The following MNAT1 variants were observed in gnomAD, a reference collection of about 807,000 sequenced individuals.
The protein encoded by MNAT1 is CDK-activating kinase assembly factor MAT1.
In MNAT1, 43 loss-of-function variants were observed where a neutral mutation model predicts 42.0. The ratio of observed to expected loss-of-function variants is 1.02; its 90% CI spans 0.80 to 1.32. The LOEUF (loss-of-function observed/expected upper bound fraction) is 1.32, where lower values mean the gene tolerates loss of function less well. Among genes scored for constraint, MNAT1 ranks in the 40% most tolerant of loss-of-function variants. The pLI is 0.00. For missense variants in MNAT1, 306 were observed against 350.4 expected, an observed-to-expected ratio of 0.87 and a Z score of 1.01; for synonymous variants, 118 against 120.0, an observed-to-expected ratio of 0.98 and a Z score of 0.11.
intron 7 of MNAT1, among the ~76,000 whole-genome samples, chr14:60,941,704 A>T (rs1234381198): frequency 2.8e-5 from 4 of 140,870 alleles, no homozygotes; most frequent in South Asian, 2.3e-4. Context: ...CCTGTTTCTT[A>T]AAAAAAAAAA....
chr14:60,855,920 A>G (rs763061519), intron 6 of MNAT1, among the ~76,000 whole-genome samples: 14 of 152,106 alleles, frequency 9.2e-5, no homozygotes, highest in East Asian at 3.9e-4. Flanking sequence ...TACTCCACCA[A>G]TTGCCCCATC....
chr14:60,920,740 C>A (rs4902020), intron 7 of MNAT1, among the ~76,000 whole-genome samples: 1 of 152,190 alleles, frequency 6.6e-6, no homozygotes, highest in African/African-American at 2.4e-5. Flanking sequence ...CACGACGCCT[C>A]GCCTTATATT....
In MNAT1 at chr14:60,879,431, A is replaced by G. The variant is rs4151294; in HGVS notation, c.688-283A>G. On this transcript the variant is annotated intron_variant, in intron 6 of 7. Coordinates refer to ENST00000261245, the MANE Select transcript of MNAT1 (RefSeq NM_002431.4). ...TCATAAACTTTTTGAAGTCTCTTGT[A>G]TTTGATGACTTCTACCATGGACATT... Among the ~76,000 whole-genome samples the G allele has an allele frequency of 3.1e-3, 474 of 152,278 alleles. 9 individuals are homozygous for G. The highest frequency in any genetic ancestry group is 0.031 in the East Asian group (161 of 5,186).
intron 7 of MNAT1, among the ~76,000 whole-genome samples, chr14:60,912,820 C>G (rs981037200): frequency 2.0e-4 from 31 of 152,114 alleles, no homozygotes; most frequent in Admixed American, 1.8e-3. Flanking sequence ...TTGCTCTTCT[C>G]GAGGAGTATC....
intron 1 of MNAT1, chr14:60,779,932 G>A: frequency 7.9e-7 from 1 of 1,270,618 alleles, no homozygotes; most frequent in Non-Finnish European, 1.1e-6. Flanking sequence ...TCCGTGTAGT[G>A]AAAGCGCGTG....
intron 5 of MNAT1, among the ~76,000 whole-genome samples, chr14:60,816,123 T>G (rs1408257751): frequency 1.3e-5 from 2 of 152,150 alleles, no homozygotes; most frequent in Non-Finnish European, 2.9e-5. Context: ...CAAGTACTAC[T>G]TATTAGAATT....
At chr14:60,780,119 A>G (rs2031404894) in intron 1 of MNAT1, 1 of 1,476,492 alleles carries the variant, frequency 6.8e-7, no homozygotes, top group Admixed American at 1.7e-5. Context: ...TCGAGTGCAG[A>G]AATACGGACT....
intron 1 of MNAT1, among the ~76,000 whole-genome samples, chr14:60,770,959 GT>G (rs2031031254): frequency 6.6e-6 from 1 of 152,034 alleles, no homozygotes. Flanking sequence ...CATAGGTATT[GT>G]TTCCAAATTT....
At chr14:60,939,652 C>G (rs573449850) in intron 7 of MNAT1, among the ~76,000 whole-genome samples, 102 of 152,228 alleles carry the variant, frequency 6.7e-4, no homozygotes, top group Non-Finnish European at 1.2e-3. Context: ...TTACTTCCAA[C>G]TATGTGGTCA....
chr14:60,917,564 A>G (rs12889598), intron 7 of MNAT1, among the ~76,000 whole-genome samples: 24,206 of 151,802 alleles, frequency 0.16, 2,452 homozygotes, highest in East Asian at 0.42. Context: ...CAACTTGTAT[A>G]TGTTGAATCC....
chr14:60,775,927 G>A (rs1379343006), intron 1 of MNAT1, among the ~76,000 whole-genome samples: 2 of 152,190 alleles, frequency 1.3e-5, no homozygotes, highest in Admixed American at 6.5e-5. Flanking sequence ...GCAGTGTTGA[G>A]TCTTCATCTG....
chr14:60,755,160 A>C (rs1196910771), intron 1 of MNAT1, among the ~76,000 whole-genome samples: 1 of 151,408 alleles, frequency 6.6e-6, no homozygotes. Context: ...CACCATGCCT[A>C]CCTAATTTTT....
chr14:60,836,392 G>A (rs2033390225), intron 6 of MNAT1, among the ~76,000 whole-genome samples: 1 of 152,186 alleles, frequency 6.6e-6, no homozygotes, highest in Non-Finnish European at 1.5e-5. Flanking sequence ...TTTGGTCTTT[G>A]ACGTTGGTGA....
chr14:60,892,241 G>A (rs1301746373), intron 7 of MNAT1, among the ~76,000 whole-genome samples: 5 of 151,974 alleles, frequency 3.3e-5, no homozygotes, highest in Non-Finnish European at 5.9e-5. Flanking sequence ...ATTATTGAGA[G>A]GGGAGTATTG....
rs150665003 is a variant in MNAT1, at chr14:60,930,068, A to G, written c.810-38161A>G. On this transcript the variant is annotated intron_variant, in intron 7 of 7. Transcript: ENST00000261245. ...AACTGGCTTCCTTAATTACTTTTCC[A>G]GGTCAAAAAGTAGAGGTCATTGAGG... Among the ~76,000 whole-genome samples, 180 of 152,100 alleles carry G rather than the reference A, an allele frequency of 1.2e-3. 1 individual carries two copies. The highest frequency in any genetic ancestry group is 4.1e-3 in the African/African-American group (171 of 41,554).
intron 6 of MNAT1, among the ~76,000 whole-genome samples, chr14:60,828,262 A>C (rs938820279): frequency 1.3e-5 from 2 of 152,164 alleles, no homozygotes; most frequent in Non-Finnish European, 2.9e-5. Context: ...AGAGTTCCTG[A>C]GTATTTTGTG....
intron 6 of MNAT1, among the ~76,000 whole-genome samples, chr14:60,837,528 G>C (rs1202030609): frequency 6.6e-6 from 1 of 152,192 alleles, no homozygotes; most frequent in Non-Finnish European, 1.5e-5. Context: ...TCCTGCTTTG[G>C]CTCACCCTCC....
intron 6 of MNAT1, among the ~76,000 whole-genome samples, chr14:60,845,133 C>T (rs567230180): frequency 1.3e-5 from 2 of 151,784 alleles, no homozygotes; most frequent in East Asian, 3.9e-4. Flanking sequence ...TTGTTAGCGT[C>T]ATTGGCTTCA....
intron 6 of MNAT1, among the ~76,000 whole-genome samples, chr14:60,871,827 C>T (rs1188181701): frequency 1.1e-4 from 17 of 151,872 alleles, no homozygotes; most frequent in African/African-American, 2.7e-4. Context: ...TTCACCATGT[C>T]GGCCAGGCTG....
Sources: allele counts gnomAD v4.1 joint callset (sites outside exome capture counted in the v4.1 genomes callset), GRCh38; gene constraint gnomAD v4.1.1; transcripts MANE v1.5; gene names NCBI Gene and HGNC (gene_info 2026-07-23, HGNC 2026-07-21).